Variants in NUMB observed in about 807,000 individuals in gnomAD.
The protein encoded by NUMB is NUMB endocytic adaptor protein, also known as protein numb homolog.
Under a neutral mutation model 59.7 loss-of-function variants are expected in NUMB, and 29 were observed. The ratio of observed to expected loss-of-function variants is 0.49; its 90% CI spans 0.36 to 0.66. The LOEUF is 0.66. Among genes scored for constraint, NUMB ranks in the 30% least tolerant of loss-of-function variants. The pLI is 0.00. For missense variants in NUMB, 723 were observed against 822.0 expected (o/e 0.88, Z 1.47); for synonymous variants, 288 against 288.2 (o/e 1.00, Z 0.01).
At chr14:73,424,199 A>C (rs1311378709) in intron 1 of NUMB, among the ~76,000 whole-genome samples, 1 of 152,106 alleles carries the variant, frequency 6.6e-6, no homozygotes, top group Non-Finnish European at 1.5e-5. Flanking sequence ...TCCTAGATTG[A>C]AAAATAAAAA....
At chr14:73,323,063 T>A in intron 5 of NUMB, 67 bp downstream of exon 5, 1 of 1,269,110 alleles carries the variant, frequency 7.9e-7, no homozygotes, top group South Asian at 1.3e-5. Context: ...TAAAATGTAC[T>A]GAGCAAAATC....
At chr14:73,405,435 CTTTTTT>C (rs56778084) in intron 2 of NUMB, among the ~76,000 whole-genome samples, 166 of 127,402 alleles carry the variant, frequency 1.3e-3, no homozygotes, top group South Asian at 6.8e-3. Context: ...TTTTCTTTCT[CTTTTTT>C]TTTTTTTTTT....
At chr14:73,327,379 C>G (rs2139936455) in intron 4 of NUMB, among the ~76,000 whole-genome samples, 1 of 152,292 alleles carries the variant, frequency 6.6e-6, no homozygotes, top group African/African-American at 2.4e-5. Context: ...GCCTCAGCCT[C>G]CTGAGTAGCT....
At chr14:73,393,242 A>G (rs1644455757) in intron 2 of NUMB, among the ~76,000 whole-genome samples, 1 of 152,030 alleles carries the variant, frequency 6.6e-6, no homozygotes. Flanking sequence ...ACTAAAGCAC[A>G]GAGAAATTAA....
chr14:73,323,357 A>G (rs1264812652), intron 4 of NUMB, 153 bp from the exon 5 acceptor site: 5 of 528,530 alleles, frequency 9.5e-6, no homozygotes, highest in South Asian at 2.6e-5. Flanking sequence ...CATGTTGGAT[A>G]AGAGACACAC....
At chr14:73,288,949 A>G (rs1889206212) in intron 8 of NUMB, among the ~76,000 whole-genome samples, 1 of 151,954 alleles carries the variant, frequency 6.6e-6, no homozygotes, top group Non-Finnish European at 1.5e-5. Context: ...GGGAGGTGGG[A>G]GGATCACTTA....
rs915595306 is a variant in NUMB, at chr14:73,347,061, G to A, written c.126+8565C>T. 1.4e-4 allele frequency among the ~76,000 whole-genome samples: 22 copies of A among 152,056 alleles called. No homozygotes were observed. The East Asian group carries it at 3.1e-3, about 21-fold the overall frequency. ...GCCATCAAGGCTGGGGTGCAGTGGCGTGATCACTGCAGCCTCTACCTTCCA... is the reference window on the plus strand; with the variant it reads ...GCCATCAAGGCTGGGGTGCAGTGGCATGATCACTGCAGCCTCTACCTTCCA... On this transcript the variant is annotated intron_variant, in intron 4 of 12. Coordinates refer to ENST00000555238, the MANE Select transcript of NUMB (RefSeq NM_001005743.2).
chr14:73,297,300 CA>C lies in NUMB; in HGVS notation c.235-16del. On this transcript the variant is annotated splice_polypyrimidine_tract_variant and intron_variant, in intron 6 of 12. Transcript: ENST00000555238. ...TTCTTTCCAGTCTTTTAAGAGAAAC[CA>C]AAAAGGGGAGGGGGAGATACACATA... 7 of 1,516,768 alleles carry C rather than the reference CA, an allele frequency of 4.6e-6. No individual in the cohort carries two copies. Among genetic ancestry groups the C allele is most frequent in the East Asian group, 2.3e-5 (1 of 44,210 alleles). The allele number at this position is 1,516,768 out of a possible 1,614,324, so 94.0% of individuals were successfully genotyped here.
chr14:73,357,992 C>G (rs974346131), intron 3 of NUMB, among the ~76,000 whole-genome samples: 2 of 151,844 alleles, frequency 1.3e-5, no homozygotes, highest in African/African-American at 2.4e-5. Flanking sequence ...ACTCACCTAC[C>G]TACTCGGCCA....
intron 1 of NUMB, among the ~76,000 whole-genome samples, chr14:73,434,364 GATTAA>G (rs1181081945): frequency 6.6e-6 from 1 of 152,132 alleles, no homozygotes; most frequent in Non-Finnish European, 1.5e-5. Context: ...TTATCATGAG[GATTAA>G]ATTAGTTAGT....
At chr14:73,329,116 C>T (rs150254414) in intron 4 of NUMB, among the ~76,000 whole-genome samples, 399 of 152,356 alleles carry the variant, frequency 2.6e-3, no homozygotes, top group African/African-American at 9.1e-3. Context: ...GATCCACCCG[C>T]CTCGGCCTCC....
intron 1 of NUMB, among the ~76,000 whole-genome samples, chr14:73,451,310 G>A (rs973871882): frequency 6.6e-6 from 1 of 151,440 alleles, no homozygotes; most frequent in East Asian, 1.9e-4. Context: ...GGTGGCGTGT[G>A]CCTGTAGTCC....
chr14:73,359,620 G>A (rs1456005650), intron 3 of NUMB, among the ~76,000 whole-genome samples: 2 of 152,078 alleles, frequency 1.3e-5, no homozygotes, highest in Non-Finnish European at 2.9e-5. Flanking sequence ...GTCAAGTGTG[G>A]GATGAGAAAA....
intron 2 of NUMB, among the ~76,000 whole-genome samples, chr14:73,370,416 G>A (rs1894604725): frequency 2.0e-5 from 3 of 152,206 alleles, no homozygotes; most frequent in South Asian, 2.1e-4. Flanking sequence ...TTCTCGCCAG[G>A]CGTGGTGGCT....
chr14:73,338,112 C>T (rs1892444861), intron 4 of NUMB, among the ~76,000 whole-genome samples: 1 of 151,756 alleles, frequency 6.6e-6, no homozygotes, highest in Non-Finnish European at 1.5e-5. Flanking sequence ...TAGTGAGACC[C>T]CCCCACCCCC....
At chr14:73,288,375 A>G (rs1430930082) in intron 8 of NUMB, among the ~76,000 whole-genome samples, 1 of 151,892 alleles carries the variant, frequency 6.6e-6, no homozygotes, top group Non-Finnish European at 1.5e-5. Context: ...ACGTGGCGAA[A>G]CCCCGTCTCT....
Position 73,456,659 on chromosome 14 carries a change from T to TA in NUMB, c.-233+1833dup, listed in dbSNP as rs528005981. 3.0e-4 allele frequency among the ~76,000 whole-genome samples: 46 copies of TA among 152,350 alleles called. No homozygotes were observed. In the East Asian group the frequency reaches 8.1e-3, roughly 27 times the overall value. The stretch of plus-strand genomic sequence containing the variant: ...AATCCACAGTTTGAAAAACACAGGC[T>TA]AAAAATGAGTATCCTTTATAATAGG... On this transcript the variant is annotated intron_variant, in intron 1 of 12. Transcript: ENST00000555238.
At chr14:73,434,232 A>G (rs529491796) in intron 1 of NUMB, among the ~76,000 whole-genome samples, 3 of 152,330 alleles carry the variant, frequency 2.0e-5, no homozygotes, top group Admixed American at 6.5e-5. Flanking sequence ...GAGCCAAACT[A>G]TCTAGGTTTG....
At chr14:73,392,136 C>T (rs1350188639) in intron 2 of NUMB, among the ~76,000 whole-genome samples, 1 of 152,122 alleles carries the variant, frequency 6.6e-6, no homozygotes, top group Non-Finnish European at 1.5e-5. Context: ...ACCATCTTCC[C>T]TTGATTACCT....
Sources: allele counts gnomAD v4.1 joint callset (sites outside exome capture counted in the v4.1 genomes callset), GRCh38; gene constraint gnomAD v4.1.1; transcripts MANE v1.5; gene names NCBI Gene and HGNC (gene_info 2026-07-23, HGNC 2026-07-21).